The following IGLON5 variants were observed in gnomAD, a reference collection of about 807,000 sequenced individuals.
The protein encoded by IGLON5 is IgLON family member 5, also known as Ig-like domain-containing protein ENSP00000270642.
IGLON5 carries 16 observed loss-of-function variants against 38.2 expected under a neutral mutation model. The ratio of observed to expected loss-of-function variants is 0.42; its 90% CI spans 0.28 to 0.64. The LOEUF (loss-of-function observed/expected upper bound fraction) is 0.64, where lower values mean the gene tolerates loss of function less well. Among genes scored for constraint, IGLON5 ranks in the 30% least tolerant of loss-of-function variants. The probability of loss-of-function intolerance (pLI) is 0.23; values close to 1 mark genes in which losing one functional copy is unlikely to be tolerated. For synonymous variants in IGLON5, 207 were observed against 216.4 expected (o/e 0.96, Z 0.38); for missense variants, 366 against 483.4 (o/e 0.76, Z 2.28).
chr19:51,312,705 G>A (rs1984797938), intron 1 of IGLON5, among the ~76,000 whole-genome samples: 1 of 141,490 alleles, frequency 7.1e-6, no homozygotes, highest in African/African-American at 2.7e-5. Flanking sequence ...GGAGGATGAA[G>A]GAAAGACGGA....
chr19:51,329,362 G>C lies in IGLON5; in HGVS notation c.*603G>C, dbSNP rs1036844699. 2 of 152,224 alleles carry C rather than the reference G, an allele frequency of 1.3e-5. No homozygotes were observed. Among genetic ancestry groups the C allele is most frequent in the African/African-American group, 4.8e-5 (2 of 41,426 alleles). 9.4% of individuals were successfully genotyped at this position (152,224 alleles called of 1,614,324 possible). A position where few individuals can be genotyped will look rare whatever the true frequency, so the allele number is the denominator to read the frequency against. On this transcript the variant is annotated 3_prime_UTR_variant, in exon 8 of 8. Transcript: ENST00000270642. This position sits in a 1 kb window ranked among gnomAD's most constrained non-coding sequence, Gnocchi z 4.3. ...ACTCCTGGCAGGTTGGGAGTGGGGA[G>C]GGGCATCGCACTCACCTGTCAAGCT... is the stretch of plus-strand genomic sequence containing the variant.
At chr19:51,313,692 TTTCTTCTTTCTTC>T (rs1984839171) in intron 1 of IGLON5, among the ~76,000 whole-genome samples, 1 of 68,840 alleles carries the variant, frequency 1.5e-5, no homozygotes, top group African/African-American at 6.2e-5. Context: ...TCTTTCTTTC[TTTCTTCTTTCTTC>T]TCTTTTTTTC....
chr19:51,316,848 G>C (rs987780170), intron 1 of IGLON5, among the ~76,000 whole-genome samples: 1 of 151,946 alleles, frequency 6.6e-6, no homozygotes, highest in East Asian at 1.9e-4. Context: ...GGGGACTCCT[G>C]GGTGCCAGAC....
At chr19:51,323,244 GTC>G (rs71333938) in intron 2 of IGLON5, among the ~76,000 whole-genome samples, 4 of 97,920 alleles carry the variant, frequency 4.1e-5, no homozygotes, top group African/African-American at 8.8e-5. Flanking sequence ...GGGTCTCTGT[GTC>G]TCTCTCTCTC....
chr19:51,316,528 G>C (rs1456446450), intron 1 of IGLON5, among the ~76,000 whole-genome samples: 1 of 138,326 alleles, frequency 7.2e-6, no homozygotes, highest in Non-Finnish European at 1.5e-5. Flanking sequence ...GAGTCTCGCT[G>C]TGTCACCCAG....
intron 1 of IGLON5, among the ~76,000 whole-genome samples, chr19:51,319,329 G>C (rs145441311): frequency 2.7e-5 from 4 of 150,642 alleles, no homozygotes; most frequent in African/African-American, 9.8e-5. Context: ...GTGTGTGTGC[G>C]TCCAGCCGTG....
Position 51,325,599 on chromosome 19 carries a change from C to T in IGLON5, c.511+134C>T, listed in dbSNP as rs990597935. 10 of 979,660 alleles carry T rather than the reference C, an allele frequency of 1.0e-5. No homozygotes were observed. Among genetic ancestry groups the T allele is most frequent in the Non-Finnish European group, 1.5e-5 (10 of 684,630 alleles). The allele number at this position is 979,660 out of a possible 1,614,324, so 60.7% of individuals were successfully genotyped here. On this transcript the variant is annotated intron_variant, in intron 4 of 7. Transcript: ENST00000270642. The surrounding 1 kb of genome is among the most constrained non-coding windows in gnomAD (Gnocchi z 5.5). Reference sequence around the variant, plus strand: ...TTGGCTTCCCCTCCCACTCTGCTTCCAGTTATTTCATCCACAGACCACAAA... The same window carrying T: ...TTGGCTTCCCCTCCCACTCTGCTTCTAGTTATTTCATCCACAGACCACAAA...
rs374906433 is a variant in IGLON5, at chr19:51,323,674, C to T, written c.171C>T (p.Asp57=). Residue 57 remains aspartate (D), a synonymous_variant, in exon 3 of 8, where the codon GAC becomes GAT. Coordinates refer to ENST00000270642, the MANE Select transcript of IGLON5 (RefSeq NM_001101372.3). ...GDNATLSCFI[D]EHVTRVAWLN... Reference sequence around the variant, plus strand: ...ATTCTCCCTGCAGCTGCTTCATCGACGAGCACGTGACCCGCGTGGCCTGGC... The same window carrying T: ...ATTCTCCCTGCAGCTGCTTCATCGATGAGCACGTGACCCGCGTGGCCTGGC... The T allele has an allele frequency of 2.5e-5, 40 of 1,608,260 alleles. No individual in the cohort carries two copies. Among genetic ancestry groups the T allele is most frequent in the South Asian group, 1.3e-4 (12 of 90,966 alleles).
intron 1 of IGLON5, among the ~76,000 whole-genome samples, chr19:51,313,095 G>T (rs151324081): frequency 2.0e-4 from 30 of 152,236 alleles, no homozygotes; most frequent in African/African-American, 7.2e-4. Context: ...CAGAAACCCC[G>T]TCACAGCGTC....
At chr19:51,320,395 G>A (rs1037133793) in intron 1 of IGLON5, among the ~76,000 whole-genome samples, 9 of 152,168 alleles carry the variant, frequency 5.9e-5, no homozygotes, top group African/African-American at 9.7e-5. Context: ...GGGCAGCCCC[G>A]CGCAGGCCCC....
At position 51,329,618 on chromosome 19, in the gene IGLON5, C is replaced by G. The variant is rs1386055117; in HGVS notation, c.*859C>G. ...CAGGAGTCACCTGTCTGTTTCAGTGCTTTGCCCTACCCTTGCCACCACTCC... is the reference window on the plus strand; with the variant it reads ...CAGGAGTCACCTGTCTGTTTCAGTGGTTTGCCCTACCCTTGCCACCACTCC... On this transcript the variant is annotated 3_prime_UTR_variant, in exon 8 of 8. Coordinates refer to ENST00000270642, the MANE Select transcript of IGLON5 (RefSeq NM_001101372.3). The surrounding 1 kb of genome is among the most constrained non-coding windows in gnomAD (Gnocchi z 4.3). 3 of 152,212 alleles carry G rather than the reference C, an allele frequency of 2.0e-5. No homozygotes were observed. Among genetic ancestry groups the G allele is most frequent in the Non-Finnish European group, 2.9e-5 (2 of 68,074 alleles). 9.4% of individuals were successfully genotyped at this position (152,212 alleles called of 1,614,324 possible). A position where few individuals can be genotyped will look rare whatever the true frequency, so the allele number is the denominator to read the frequency against.
chr19:51,323,169 GCT>G (rs1432755312), intron 2 of IGLON5, among the ~76,000 whole-genome samples: 5 of 116,902 alleles, frequency 4.3e-5, no homozygotes, highest in African/African-American at 1.7e-4. Context: ...GGTCTCTGTA[GCT>G]CTCTCTCTGG....
intron 2 of IGLON5, among the ~76,000 whole-genome samples, chr19:51,322,572 G>GCC (rs1985093205): frequency 1.5e-5 from 2 of 134,170 alleles, no homozygotes; most frequent in South Asian, 2.6e-4. Context: ...CTCTCTCCAC[G>GCC]CCTCTCTCTC....
chr19:51,321,818 G>A (rs1038191422), intron 1 of IGLON5, among the ~76,000 whole-genome samples: 1 of 152,232 alleles, frequency 6.6e-6, no homozygotes, highest in Non-Finnish European at 1.5e-5. Context: ...CATGTTGCAT[G>A]TGTCTGCTGT....
intron 1 of IGLON5, among the ~76,000 whole-genome samples, chr19:51,315,643 G>T (rs1035734815): frequency 6.6e-6 from 1 of 151,516 alleles, no homozygotes; most frequent in African/African-American, 2.4e-5. Context: ...CCATCTCTGA[G>T]CAGGGGAGAG....
Position 51,323,654 on chromosome 19 carries a change from C to A in IGLON5, c.159-8C>A. 1 of 1,603,972 alleles carries A rather than the reference C, an allele frequency of 6.2e-7. No individual in the cohort carries two copies. The highest frequency in any genetic ancestry group is 8.5e-7 in the Non-Finnish European group (1 of 1,172,252). On this transcript the variant is annotated splice_region_variant and splice_polypyrimidine_tract_variant and intron_variant, in intron 2 of 7. Coordinates refer to ENST00000270642, the MANE Select transcript of IGLON5 (RefSeq NM_001101372.3). ...GGAGAAAAACCTTCCCACTCATTCT[C>A]CCTGCAGCTGCTTCATCGACGAGCA...
rs1230510075 is a variant in IGLON5 at position 51,330,477 on chromosome 19, A to G, written c.*1718A>G. On this transcript the variant is annotated 3_prime_UTR_variant, in exon 8 of 8. Transcript: ENST00000270642. ...CCTACTTTCTCACTGGTAGACTTGG[A>G]ATGGACTCATTACAGAGATGCCCTG... The G allele has an allele frequency of 6.6e-6, 1 of 152,202 alleles. No homozygotes were observed. The highest frequency in any genetic ancestry group is 1.5e-5 in the Non-Finnish European group (1 of 68,040). 9.4% of individuals were successfully genotyped at this position (152,202 alleles called of 1,614,324 possible). A position where few individuals can be genotyped will look rare whatever the true frequency, so the allele number is the denominator to read the frequency against.
At chr19:51,326,563 C>T (rs903930290) in intron 4 of IGLON5, among the ~76,000 whole-genome samples, 5 of 151,888 alleles carry the variant, frequency 3.3e-5, no homozygotes, top group Admixed American at 6.6e-5. Context: ...GAGTCCCAGA[C>T]CTCACTCCTT....
chr19:51,315,688 C>CTTTTTTTTTT (rs756194855), intron 1 of IGLON5, among the ~76,000 whole-genome samples: 14 of 82,588 alleles, frequency 1.7e-4, no homozygotes, highest in African/African-American at 6.3e-4. Context: ...GGAAGTCAAC[C>CTTTTTTTTTT]TTTTTTTTTT....
Sources: gnomAD v4.1 joint callset for allele counts (sites outside exome capture counted in the v4.1 genomes callset) on GRCh38, gnomAD v4.1.1 for gene constraint, Gnocchi (gnomAD v3.1) non-coding constraint, MANE v1.5 for transcripts, NCBI Gene and HGNC (gene_info 2026-07-23, HGNC 2026-07-21) for gene names.